LRP1B: variants seen among roughly 807,000 people sequenced by gnomAD.
LRP1B encodes the protein LDL receptor related protein 1B.
In LRP1B, 217 loss-of-function variants were observed where a neutral mutation model predicts 556.6. That is an observed-to-expected ratio of 0.39 (90% CI 0.35 to 0.44). The LOEUF is 0.44. Ranked by LOEUF, LRP1B falls within the 20% of genes least tolerant of loss-of-function variation. The pLI, the probability that LRP1B is intolerant of heterozygous loss-of-function variation, is 1.00. For synonymous variants in LRP1B, 2,047 were observed against 1,865.8 expected (o/e 1.10, Z -2.50); for missense variants, 5,053 against 5,620.8 (o/e 0.90, Z 3.23).
In LRP1B at chr2:141,229,402, A is replaced by G. The variant is rs747295042; in HGVS notation, c.631T>C (p.Phe211Leu). 3 of 1,601,630 alleles carry G rather than the reference A, an allele frequency of 1.9e-6. No individual in the cohort carries two copies. Among genetic ancestry groups the G allele is most frequent in the African/African-American group, 1.3e-5 (1 of 74,578 alleles). ...AGATAGAAAACCTCAATTGTTTCAAAATTTGCAATTAATAGTATAGGTGGT... is the reference window on the plus strand; with the variant it reads ...AGATAGAAAACCTCAATTGTTTCAAGATTTGCAATTAATAGTATAGGTGGT... ...DRPPILLIAN[F>L]ETIEVFYLNG... Residue 211 changes from phenylalanine to leucine, a missense_variant, in exon 6 of 91, where the codon TTT becomes CTT. Transcript: ENST00000389484.
At chr2:141,990,993 A>C (rs769210180) in intron 1 of LRP1B, among the ~76,000 whole-genome samples, 58 of 152,008 alleles carry the variant, frequency 3.8e-4, no homozygotes, top group Non-Finnish European at 5.4e-4. Context: ...ACTGGTACAT[A>C]GGTCCCTACC....
intron 3 of LRP1B, among the ~76,000 whole-genome samples, chr2:141,424,606 A>T (rs980108314): frequency 3.3e-5 from 5 of 152,206 alleles, no homozygotes; most frequent in Non-Finnish European, 7.4e-5. Flanking sequence ...TGTATTAATT[A>T]CTTTGTAATT....
chr2:141,410,445 T>C (rs1038384178), intron 3 of LRP1B, among the ~76,000 whole-genome samples: 5 of 152,124 alleles, frequency 3.3e-5, no homozygotes, highest in Non-Finnish European at 5.9e-5. Context: ...AAGATGATAA[T>C]GTCATCAACA....
intron 66 of LRP1B, among the ~76,000 whole-genome samples, chr2:140,410,963 G>T (rs898169558): frequency 1.3e-5 from 2 of 152,072 alleles, no homozygotes; most frequent in African/African-American, 4.8e-5. Context: ...GGGTGCCGGG[G>T]TTACCTCACT....
intron 1 of LRP1B, among the ~76,000 whole-genome samples, chr2:141,887,692 A>C (rs1699168922): frequency 6.6e-6 from 1 of 152,204 alleles, no homozygotes; most frequent in Non-Finnish European, 1.5e-5. Context: ...AGGAATGTTA[A>C]ACTGTAGCTT....
chr2:142,068,506 T>C (rs768262293), intron 1 of LRP1B, among the ~76,000 whole-genome samples: 25 of 151,554 alleles, frequency 1.6e-4, no homozygotes, highest in Non-Finnish European at 3.1e-4. Context: ...ATATAGATAG[T>C]GATAGGCTGC....
chr2:141,054,776 T>C (rs570980870), intron 10 of LRP1B, among the ~76,000 whole-genome samples: 3 of 152,064 alleles, frequency 2.0e-5, no homozygotes, highest in East Asian at 2.0e-4. Flanking sequence ...GAGTAGCATA[T>C]TGGTTCAAAT....
At chr2:141,398,912 G>A in intron 3 of LRP1B, among the ~76,000 whole-genome samples, 1 of 152,104 alleles carries the variant, frequency 6.6e-6, no homozygotes, top group East Asian at 1.9e-4. Context: ...GGCTTACAGA[G>A]GCTGCACATA....
At chr2:141,365,761 C>T (rs1268949779) in intron 3 of LRP1B, among the ~76,000 whole-genome samples, 1 of 150,580 alleles carries the variant, frequency 6.6e-6, no homozygotes, top group Non-Finnish European at 1.5e-5. Context: ...CAAGATCCGC[C>T]TCCCGGGTTC....
chr2:141,551,802 C>A (rs972698240), intron 2 of LRP1B, among the ~76,000 whole-genome samples: 3 of 152,018 alleles, frequency 2.0e-5, no homozygotes, highest in Admixed American at 1.3e-4. Context: ...ATTGATGGAT[C>A]ATAATGCTCT....
chr2:140,774,638 T>C (rs1689429191), intron 33 of LRP1B, among the ~76,000 whole-genome samples: 1 of 152,106 alleles, frequency 6.6e-6, no homozygotes, highest in Non-Finnish European at 1.5e-5. Context: ...CGTTATTCAC[T>C]GAGATTTACA....
intron 2 of LRP1B, among the ~76,000 whole-genome samples, chr2:141,676,629 T>C (rs1447450817): frequency 6.6e-6 from 1 of 152,184 alleles, no homozygotes; most frequent in Non-Finnish European, 1.5e-5. Flanking sequence ...GAGCCAGCAG[T>C]TAGAATTGTT....
At chr2:140,824,476 T>C (rs896770245) in intron 31 of LRP1B, among the ~76,000 whole-genome samples, 1 of 152,116 alleles carries the variant, frequency 6.6e-6, no homozygotes, top group Non-Finnish European at 1.5e-5. Flanking sequence ...AAATCTGTCA[T>C]TGAGGTGCTA....
chr2:140,242,296 A>T (rs1393664150), intron 87 of LRP1B, among the ~76,000 whole-genome samples: 3 of 151,196 alleles, frequency 2.0e-5, no homozygotes, highest in Non-Finnish European at 3.0e-5. Flanking sequence ...TGAACAAAAC[A>T]CATGTTCTCA....
At chr2:140,286,419 C>T (rs934957992) in intron 84 of LRP1B, among the ~76,000 whole-genome samples, 12 of 151,728 alleles carry the variant, frequency 7.9e-5, no homozygotes, top group Non-Finnish European at 1.6e-4. Flanking sequence ...TGAGAGAGCC[C>T]TTGGACATCC....
At position 141,198,126 on chromosome 2, in the gene LRP1B, C is replaced by T. The variant is rs373789625; in HGVS notation, c.851-9543G>A. On this transcript the variant is annotated intron_variant, in intron 6 of 90. Transcript: ENST00000389484. ...TTTATACCACATTTCTTTGCAGGAA[C>T]GTTTGAAAATGCCTACTGAATAAGA... 2.6e-5 allele frequency among the ~76,000 whole-genome samples: 4 copies of T among 152,130 alleles called. No homozygotes were observed. In the East Asian group the frequency reaches 5.8e-4, roughly 22 times the overall value.
At chr2:140,788,843 TG>T (rs1301042550) in intron 32 of LRP1B, among the ~76,000 whole-genome samples, 3 of 152,118 alleles carry the variant, frequency 2.0e-5, no homozygotes, top group Admixed American at 6.5e-5. Flanking sequence ...TTAAGTTGAA[TG>T]AGGTCATATG....
At chr2:141,711,455 T>C (rs529208783) in intron 2 of LRP1B, among the ~76,000 whole-genome samples, 1 of 152,208 alleles carries the variant, frequency 6.6e-6, no homozygotes, top group East Asian at 1.9e-4. Context: ...ATAGAGGAGA[T>C]ACCATGTAGA....
chr2:141,493,571 G>A (rs893880018), intron 2 of LRP1B, among the ~76,000 whole-genome samples: 2 of 152,112 alleles, frequency 1.3e-5, no homozygotes, highest in Non-Finnish European at 2.9e-5. Context: ...GAAAGGGATG[G>A]GGTCAAGAGC....
Sources: gnomAD v4.1 joint callset for allele counts (sites outside exome capture counted in the v4.1 genomes callset) on GRCh38, gnomAD v4.1.1 for gene constraint, MANE v1.5 for transcripts, NCBI Gene and HGNC (gene_info 2026-07-23, HGNC 2026-07-21) for gene names.